Variants in SHISA9 observed in about 807,000 individuals in gnomAD.
SHISA9 encodes the protein shisa family member 9.
Under a neutral mutation model 38.0 loss-of-function variants are expected in SHISA9, and 13 were observed. That is an observed-to-expected ratio of 0.34 (90% CI 0.22 to 0.54). The LOEUF is 0.54. Among genes scored for constraint, SHISA9 ranks in the 20% least tolerant of loss-of-function variants. The probability of loss-of-function intolerance (pLI) is 0.91; values close to 1 mark genes in which losing one functional copy is unlikely to be tolerated. For synonymous variants in SHISA9, 275 were observed against 242.0 expected, an observed-to-expected ratio of 1.14 and a Z score of -1.27; for missense variants, 538 against 575.8, an observed-to-expected ratio of 0.93 and a Z score of 0.67.
At chr16:13,530,679 C>G in the SHISA9 span, among the ~76,000 whole-genome samples, 3 of 152,090 alleles carry the variant, frequency 2.0e-5, no homozygotes, top group Non-Finnish European at 4.4e-5. Context: ...TTTGCCCCCC[C>G]AGAACCACTT....
At chr16:13,471,760 C>T in the SHISA9 span, among the ~76,000 whole-genome samples, 6 of 152,126 alleles carry the variant, frequency 3.9e-5, no homozygotes, top group African/African-American at 1.4e-4. Context: ...CCTAGCCCAC[C>T]GTGAGTAACA....
chr16:12,904,207 A>G (rs72782627), intron 1 of SHISA9, among the ~76,000 whole-genome samples: 8,924 of 152,188 alleles, frequency 0.059, 374 homozygotes, highest in Non-Finnish European at 0.084. Flanking sequence ...TGAGGGGAGA[A>G]GTGGTCTCAG....
chr16:13,181,308 TATATACAC>T (rs1415262068), intron 2 of SHISA9, among the ~76,000 whole-genome samples: 1,308 of 36,892 alleles, frequency 0.035, 8 homozygotes, highest in African/African-American at 0.042. Flanking sequence ...TATATATATA[TATATACAC>T]ACACACACAC....
the SHISA9 span, among the ~76,000 whole-genome samples, chr16:13,524,002 G>A: frequency 2.0e-5 from 3 of 152,146 alleles, no homozygotes; most frequent in Non-Finnish European, 4.4e-5. Flanking sequence ...TCAGGAAAAT[G>A]CAGAATTTAC....
the SHISA9 span, among the ~76,000 whole-genome samples, chr16:13,476,738 G>GTGTTTTTTTT: frequency 4.6e-5 from 3 of 65,182 alleles, no homozygotes; most frequent in African/African-American, 1.6e-4. Context: ...CCTGTTTTGT[G>GTGTTTTTTTT]TTTTTTTTTT....
intron 2 of SHISA9, among the ~76,000 whole-genome samples, chr16:13,102,645 C>A (rs1308821696): frequency 6.6e-6 from 1 of 152,128 alleles, no homozygotes; most frequent in South Asian, 2.1e-4. Flanking sequence ...GATTTTCCTC[C>A]TTTTGTCCTC....
At chr16:13,266,616 C>T in the SHISA9 span, among the ~76,000 whole-genome samples, 2 of 152,100 alleles carry the variant, frequency 1.3e-5, no homozygotes, top group South Asian at 2.1e-4. Context: ...TATAGGCTGG[C>T]ATTGTAAACG....
chr16:13,416,913 A>G, the SHISA9 span, among the ~76,000 whole-genome samples: 2 of 152,140 alleles, frequency 1.3e-5, no homozygotes, highest in African/African-American at 4.8e-5. Context: ...AAAGGCAGAG[A>G]AAGAAAAAGG....
chr16:13,521,754 C>T, the SHISA9 span, among the ~76,000 whole-genome samples: 3 of 152,262 alleles, frequency 2.0e-5, no homozygotes, highest in East Asian at 3.9e-4. Context: ...AACTGTTTCA[C>T]GTGTGTTACG....
intron 2 of SHISA9, among the ~76,000 whole-genome samples, chr16:13,002,842 C>T (rs1228516087): frequency 2.0e-5 from 3 of 151,910 alleles, no homozygotes; most frequent in Non-Finnish European, 2.9e-5. Flanking sequence ...CAGTTCCTGT[C>T]TTCATGGCGC....
chr16:13,272,726 GA>G, the SHISA9 span, among the ~76,000 whole-genome samples: 2 of 152,160 alleles, frequency 1.3e-5, no homozygotes, highest in Non-Finnish European at 2.9e-5. Flanking sequence ...CATACTGGTA[GA>G]ATGCCTTGGC....
intron 2 of SHISA9, among the ~76,000 whole-genome samples, chr16:12,946,813 G>A (rs974763950): frequency 1.3e-5 from 2 of 152,256 alleles, no homozygotes; most frequent in African/African-American, 4.8e-5. Context: ...GCACTGCATG[G>A]CCATTGCAGT....
intron 2 of SHISA9, among the ~76,000 whole-genome samples, chr16:13,032,869 AC>A (rs34763409): frequency 0.6 from 91,313 of 151,920 alleles, 28,428 homozygotes; most frequent in Middle Eastern, 0.74. Context: ...GAAACAGAAA[AC>A]CCAATTCATA....
intron 2 of SHISA9, among the ~76,000 whole-genome samples, chr16:12,979,940 A>G (rs2072218691): frequency 2.0e-5 from 3 of 152,148 alleles, no homozygotes; most frequent in Non-Finnish European, 4.4e-5. Flanking sequence ...TTTAATGTGC[A>G]TTCAAATCTC....
the SHISA9 span, among the ~76,000 whole-genome samples, chr16:13,483,466 A>C: frequency 0.23 from 35,102 of 152,008 alleles, 4,152 homozygotes; most frequent in Non-Finnish European, 0.25. Context: ...AATGAGCTTC[A>C]TTCAGGGTTG....
At chr16:13,173,151 GCGCA>G (rs1259932770) in intron 2 of SHISA9, among the ~76,000 whole-genome samples, 2 of 38,908 alleles carry the variant, frequency 5.1e-5, no homozygotes, top group Non-Finnish European at 8.3e-5. Flanking sequence ...AGATGCACGT[GCGCA>G]CACACACACA....
the SHISA9 span, among the ~76,000 whole-genome samples, chr16:13,373,554 A>G: frequency 1.3e-5 from 2 of 152,282 alleles, no homozygotes; most frequent in Non-Finnish European, 1.5e-5. Flanking sequence ...TGAGGTCAGG[A>G]GATCGAGACC....
chr16:13,235,661 A>C lies in SHISA9; in HGVS notation c.*252A>C. 2.2e-6 allele frequency: 1 copy of C among 464,778 alleles called. No homozygotes were observed. The allele number at this position is 464,778 out of a possible 1,614,324, so 28.8% of individuals were successfully genotyped here. A position where few individuals can be genotyped will look rare whatever the true frequency, so the allele number is the denominator to read the frequency against. On this transcript the variant is annotated 3_prime_UTR_variant, in exon 5 of 5. Transcript: ENST00000558583. ...TACAGCAAAGGGGAAAATGAGGCAC[A>C]CTCTTTCCACTTCAGGCCCAAGATG...
At chr16:13,230,651 T>C (rs112979971) in intron 4 of SHISA9, among the ~76,000 whole-genome samples, 2,280 of 152,234 alleles carry the variant, frequency 0.015, 21 homozygotes, top group Non-Finnish European at 0.02. Flanking sequence ...GTTTCTTGGA[T>C]CTCATGCAAG....
Sources: allele counts gnomAD v4.1 joint callset (sites outside exome capture counted in the v4.1 genomes callset), GRCh38; gene constraint gnomAD v4.1.1; transcripts MANE v1.5; gene names NCBI Gene and HGNC (gene_info 2026-07-23, HGNC 2026-07-21).